RAB3C: variants seen among roughly 807,000 people sequenced by gnomAD.
RAB3C encodes the protein ras-related protein Rab-3C.
RAB3C carries 17 observed loss-of-function variants against 26.4 expected under a neutral mutation model. The observed-to-expected ratio is 0.64, with a 90% CI of 0.44 to 0.97. The LOEUF is 0.97. Ranked by LOEUF, RAB3C falls within the 50% of genes least tolerant of loss-of-function variation. The pLI is 0.00. For synonymous variants in RAB3C, 91 were observed against 95.9 expected (o/e 0.95, Z 0.30); for missense variants, 242 against 281.9 (o/e 0.86, Z 1.01).
chr5:58,769,915 A>G (rs530764646), intron 3 of RAB3C, among the ~76,000 whole-genome samples: 1 of 152,320 alleles, frequency 6.6e-6, no homozygotes, highest in East Asian at 1.9e-4. Flanking sequence ...CCTAAACCTT[A>G]AAATCACATT....
intron 2 of RAB3C, among the ~76,000 whole-genome samples, chr5:58,625,486 C>T (rs569911222): frequency 2.0e-5 from 3 of 152,256 alleles, no homozygotes; most frequent in Non-Finnish European, 4.4e-5. Flanking sequence ...AGATTAATCT[C>T]TTTCATGATC....
chr5:58,686,024 G>A (rs770950794), intron 2 of RAB3C, among the ~76,000 whole-genome samples: 83 of 152,190 alleles, frequency 5.5e-4, no homozygotes, highest in Admixed American at 1.2e-3. Flanking sequence ...AATTTATGAA[G>A]ATGCCTGTGG....
In RAB3C at chr5:58,610,255, C is replaced by T. The variant is rs565565163; in HGVS notation, c.25-7388C>T. ...GTTTTTATTTCTCTTGGGCAAATCC[C>T]TAGGAGTGGGATTGTTAGGTCATAT... On this transcript the variant is annotated intron_variant, in intron 1 of 4. Transcript: ENST00000282878. Among the ~76,000 whole-genome samples the T allele has an allele frequency of 9.6e-5, 12 of 124,676 alleles. No homozygotes were observed. The East Asian group carries it at 3.7e-3, about 38-fold the overall frequency. 81.8% of individuals were successfully genotyped at this position (124,676 alleles called of 152,430 possible).
At chr5:58,770,421 A>G (rs1247948240) in intron 3 of RAB3C, among the ~76,000 whole-genome samples, 1 of 152,126 alleles carries the variant, frequency 6.6e-6, no homozygotes, top group African/African-American at 2.4e-5. Context: ...TTTCCTTGAG[A>G]TGGCCTACCT....
chr5:58,854,537 G>A lies in RAB3C; in HGVS notation c.*3186G>A, dbSNP rs1029595954. On this transcript the variant is annotated 3_prime_UTR_variant, in exon 5 of 5. Transcript: ENST00000282878. Reference sequence around the variant, plus strand: ...TTGAATGTTAGCATCGCATCTACATGCTCATAAGAGGAATTGCTTCAGGAC... The same window carrying A: ...TTGAATGTTAGCATCGCATCTACATACTCATAAGAGGAATTGCTTCAGGAC... 1.3e-5 allele frequency: 2 copies of A among 152,192 alleles called. No individual in the cohort carries two copies. The highest frequency in any genetic ancestry group is 2.9e-5 in the Non-Finnish European group (2 of 68,024). The allele number at this position is 152,192 out of a possible 1,614,324, so 9.4% of individuals were successfully genotyped here. A position where few individuals can be genotyped will look rare whatever the true frequency, so the allele number is the denominator to read the frequency against.
intron 3 of RAB3C, among the ~76,000 whole-genome samples, chr5:58,744,288 T>A (rs1025878819): frequency 9.2e-5 from 14 of 152,198 alleles, no homozygotes; most frequent in African/African-American, 2.4e-4. Context: ...GATGAGAAGT[T>A]GTTTCTATCA....
intron 3 of RAB3C, among the ~76,000 whole-genome samples, chr5:58,797,502 G>A (rs181173399): frequency 3.4e-4 from 52 of 151,098 alleles, no homozygotes; most frequent in African/African-American, 1.2e-3. Context: ...CCTTCTTTAG[G>A]TAATGGCTTC....
At chr5:58,607,530 A>G (rs1746599231) in intron 1 of RAB3C, among the ~76,000 whole-genome samples, 1 of 152,200 alleles carries the variant, frequency 6.6e-6, no homozygotes, top group Non-Finnish European at 1.5e-5. Flanking sequence ...CTAGCAAGGC[A>G]GGCCAACATT....
At chr5:58,779,294 G>T (rs901290790) in intron 3 of RAB3C, among the ~76,000 whole-genome samples, 32 of 150,670 alleles carry the variant, frequency 2.1e-4, no homozygotes, top group Admixed American at 6.6e-5. Flanking sequence ...GACTTTTCAA[G>T]AATGAACTCA....
rs527970661 is a variant in RAB3C at position 58,617,350 on chromosome 5, T to A, written c.25-293T>A. On this transcript the variant is annotated intron_variant, in intron 1 of 4. Transcript: ENST00000282878. ...ATTTCTCATCTCTTTGCTTGTCATG[T>A]TACCCTTATAGACATCCCCTTTGGT... is the stretch of plus-strand genomic sequence containing the variant. Among the ~76,000 whole-genome samples, 15 of 152,304 alleles carry A rather than the reference T, an allele frequency of 9.8e-5. No homozygotes were observed. In the East Asian group the frequency reaches 2.3e-3, roughly 24 times the overall value.
intron 1 of RAB3C, among the ~76,000 whole-genome samples, chr5:58,591,591 T>C (rs1746128045): frequency 5.3e-5 from 2 of 37,498 alleles, no homozygotes; most frequent in African/African-American, 2.3e-4. Flanking sequence ...TCATAGTATA[T>C]ATATATATAT....
intron 2 of RAB3C, among the ~76,000 whole-genome samples, chr5:58,673,447 T>TAC (rs71604758): frequency 0.036 from 5,313 of 145,942 alleles, 124 homozygotes; most frequent in African/African-American, 0.065. Flanking sequence ...GAACTAGTTA[T>TAC]ACACACACAC....
At chr5:58,604,733 C>T (rs1020862261) in intron 1 of RAB3C, among the ~76,000 whole-genome samples, 2 of 152,198 alleles carry the variant, frequency 1.3e-5, no homozygotes, top group African/African-American at 4.8e-5. Context: ...CTGTCTGCCT[C>T]CCAGCTGTGA....
chr5:58,696,364 G>A (rs558514632), intron 2 of RAB3C, among the ~76,000 whole-genome samples: 2 of 152,268 alleles, frequency 1.3e-5, no homozygotes, highest in East Asian at 3.9e-4. Flanking sequence ...TATTTATCAG[G>A]GATATTGGTC....
intron 3 of RAB3C, among the ~76,000 whole-genome samples, chr5:58,782,730 C>T (rs1742297612): frequency 6.6e-6 from 1 of 152,038 alleles, no homozygotes; most frequent in Admixed American, 6.6e-5. Flanking sequence ...GAACATAAGT[C>T]ATGCAAAGGT....
intron 3 of RAB3C, among the ~76,000 whole-genome samples, chr5:58,763,515 T>C (rs1360696570): frequency 1.5e-4 from 23 of 152,142 alleles, no homozygotes; most frequent in Admixed American, 1.5e-3. Context: ...CTACACTGAG[T>C]GAGTAGATCT....
intron 3 of RAB3C, among the ~76,000 whole-genome samples, chr5:58,782,941 T>G (rs1258622410): frequency 1.3e-5 from 2 of 152,146 alleles, no homozygotes; most frequent in African/African-American, 4.8e-5. Flanking sequence ...TAATGTTATT[T>G]TTTTTTTAAT....
chr5:58,709,543 C>T (rs1749015418), intron 2 of RAB3C, among the ~76,000 whole-genome samples: 1 of 152,186 alleles, frequency 6.6e-6, no homozygotes, highest in Admixed American at 6.5e-5. Flanking sequence ...TGAAAAAAGC[C>T]ATTTCCCATG....
chr5:58,662,469 C>G, intron 2 of RAB3C, among the ~76,000 whole-genome samples: 1 of 150,044 alleles, frequency 6.7e-6, no homozygotes, highest in Middle Eastern at 3.4e-3. Flanking sequence ...TATTTATATC[C>G]ATACTGATAT....
Sources: allele counts gnomAD v4.1 joint callset (sites outside exome capture counted in the v4.1 genomes callset), GRCh38; gene constraint gnomAD v4.1.1; transcripts MANE v1.5; gene names NCBI Gene and HGNC (gene_info 2026-07-23, HGNC 2026-07-21).